The following CSMD1 variants were observed in gnomAD, a reference collection of about 807,000 sequenced individuals.
The protein encoded by CSMD1 is CUB and Sushi multiple domains 1.
Under a neutral mutation model 417.5 loss-of-function variants are expected in CSMD1, and 213 were observed. The observed-to-expected ratio is 0.51, with a 90% confidence interval of 0.46 to 0.57. The LOEUF (loss-of-function observed/expected upper bound fraction) is 0.57, where lower values mean the gene tolerates loss of function less well. Among genes scored for constraint, CSMD1 ranks in the 20% least tolerant of loss-of-function variants. CSMD1 has a pLI of 0.00. For synonymous variants in CSMD1, 2,862 were observed against 1,736.8 expected (o/e 1.65, Z -16.11); for missense variants, 6,923 against 4,529.7 (o/e 1.53, Z -15.17).
At chr8:3,710,629 T>C (rs1438026591) in intron 6 of CSMD1, among the ~76,000 whole-genome samples, 1 of 152,152 alleles carries the variant, frequency 6.6e-6, no homozygotes, top group Non-Finnish European at 1.5e-5. Context: ...CTGACACACC[T>C]GGAGACCATG....
At chr8:4,078,538 A>G (rs1293330853) in intron 3 of CSMD1, among the ~76,000 whole-genome samples, 1 of 151,872 alleles carries the variant, frequency 6.6e-6, no homozygotes, top group Admixed American at 6.6e-5. Context: ...TGCTGGGATT[A>G]CAGGGGTGAG....
chr8:4,284,139 G>C (rs1333457310), intron 3 of CSMD1, among the ~76,000 whole-genome samples: 1 of 151,978 alleles, frequency 6.6e-6, no homozygotes, highest in Non-Finnish European at 1.5e-5. Flanking sequence ...AGGCCGAGAA[G>C]GGTGGATCAC....
chr8:4,069,902 T>C (rs1585247101), intron 3 of CSMD1, among the ~76,000 whole-genome samples: 2 of 151,804 alleles, frequency 1.3e-5, no homozygotes, highest in East Asian at 3.9e-4. Flanking sequence ...TTTTGTTTTG[T>C]TTTTGTTTTT....
rs144922731 is a variant in CSMD1, at chr8:4,354,991, G to A, written c.415+64962C>T. Among the ~76,000 whole-genome samples, 137 of 151,656 alleles carry A rather than the reference G, an allele frequency of 9.0e-4. 1 individual carries two copies. The highest frequency in any genetic ancestry group is 2.6e-3 in the East Asian group (13 of 5,086). On this transcript the variant is annotated intron_variant, in intron 3 of 69. Coordinates refer to ENST00000635120, the MANE Select transcript of CSMD1 (RefSeq NM_033225.6). ...GTTTAGATCTTTTGTGGCCAGGCAC[G>A]GTGGCTCACGCCTGTAATCCCAGCA...
chr8:4,295,740 A>ATG (rs36133370), intron 3 of CSMD1, among the ~76,000 whole-genome samples: 518 of 32,952 alleles, frequency 0.016, 11 homozygotes, highest in South Asian at 0.052. Context: ...GTGTGTGTAT[A>ATG]TGTGTGTGTG....
At chr8:3,955,516 A>G (rs1217183884) in intron 5 of CSMD1, among the ~76,000 whole-genome samples, 1 of 152,194 alleles carries the variant, frequency 6.6e-6, no homozygotes, top group Non-Finnish European at 1.5e-5. Context: ...GCTGTCAGCC[A>G]ACCTCTAATA....
chr8:3,859,766 A>G (rs1804567960), intron 5 of CSMD1, among the ~76,000 whole-genome samples: 1 of 152,168 alleles, frequency 6.6e-6, no homozygotes, highest in Admixed American at 6.6e-5. Flanking sequence ...AATCCTGAAT[A>G]CTGCTGCATA....
At chr8:4,827,341 A>C (rs915985418) in intron 1 of CSMD1, among the ~76,000 whole-genome samples, 2 of 152,180 alleles carry the variant, frequency 1.3e-5, no homozygotes, top group Non-Finnish European at 2.9e-5. Flanking sequence ...TAAGGCTAGA[A>C]GAGCACACTA....
chr8:3,330,184 A>G (rs941073391), intron 23 of CSMD1, among the ~76,000 whole-genome samples: 1 of 152,304 alleles, frequency 6.6e-6, no homozygotes, highest in East Asian at 1.9e-4. Context: ...TTCAATTACT[A>G]TAGCATTCTT....
chr8:3,517,729 T>C (rs767265069), intron 10 of CSMD1, among the ~76,000 whole-genome samples: 15 of 152,178 alleles, frequency 9.9e-5, no homozygotes, highest in South Asian at 2.1e-4. Context: ...GTATAACTCA[T>C]AGGGCTGAGA....
intron 1 of CSMD1, among the ~76,000 whole-genome samples, chr8:4,730,208 G>GAAAA (rs1554460291): frequency 5.3e-5 from 8 of 151,612 alleles, no homozygotes; most frequent in Non-Finnish European, 8.8e-5. Context: ...GGAGACAGAA[G>GAAAA]AAAACAAAAC....
intron 3 of CSMD1, among the ~76,000 whole-genome samples, chr8:4,306,985 C>T (rs1798283761): frequency 6.6e-6 from 1 of 152,130 alleles, no homozygotes; most frequent in South Asian, 2.1e-4. Flanking sequence ...TGTCTTTTCC[C>T]ATCTGTCACC....
chr8:3,527,979 C>T (rs184539945), intron 10 of CSMD1, among the ~76,000 whole-genome samples: 5 of 152,148 alleles, frequency 3.3e-5, no homozygotes, highest in East Asian at 1.9e-4. Flanking sequence ...GCCCACCACA[C>T]GCCAGTCGTA....
chr8:4,715,889 TC>T (rs1238958118), intron 1 of CSMD1, among the ~76,000 whole-genome samples: 1 of 152,230 alleles, frequency 6.6e-6, no homozygotes, highest in African/African-American at 2.4e-5. Flanking sequence ...CTTGGCTCTG[TC>T]CTGGTTCCTC....
At chr8:2,944,479 C>T (rs1461109913) in intron 68 of CSMD1, among the ~76,000 whole-genome samples, 1 of 152,126 alleles carries the variant, frequency 6.6e-6, no homozygotes, top group Non-Finnish European at 1.5e-5. Flanking sequence ...TTGTGAAAAT[C>T]ATATGTTAGT....
chr8:3,188,282 A>C (rs1489783220), intron 35 of CSMD1, among the ~76,000 whole-genome samples: 3 of 108,602 alleles, frequency 2.8e-5, no homozygotes, highest in Admixed American at 9.5e-5. Flanking sequence ...AGAACAATTT[A>C]TTTTTCTTTT....
chr8:3,192,007 T>G (rs897394143), intron 33 of CSMD1, among the ~76,000 whole-genome samples: 5 of 152,200 alleles, frequency 3.3e-5, no homozygotes, highest in African/African-American at 7.2e-5. Context: ...TTTTATTTAT[T>G]TATTTTCTGT....
At chr8:2,954,120 C>G in intron 65 of CSMD1, 104 bp downstream of exon 65, 1 of 557,382 alleles carries the variant, frequency 1.8e-6, no homozygotes, top group Non-Finnish European at 3.1e-6. Context: ...TGGTCGTGGA[C>G]TAACGGATTC....
intron 1 of CSMD1, among the ~76,000 whole-genome samples, chr8:4,874,790 T>G (rs1008788805): frequency 1.3e-5 from 2 of 150,908 alleles, no homozygotes; most frequent in African/African-American, 4.9e-5. Context: ...GAGATAGACT[T>G]TTTGTGTGTG....
Sources: allele counts gnomAD v4.1 joint callset (sites outside exome capture counted in the v4.1 genomes callset), GRCh38; gene constraint gnomAD v4.1.1; transcripts MANE v1.5; gene names NCBI Gene and HGNC (gene_info 2026-07-23, HGNC 2026-07-21).